Variants in PCLO observed in about 807,000 individuals in gnomAD.
The protein encoded by PCLO is piccolo presynaptic cytomatrix protein.
A neutral mutation model predicts 427.5 loss-of-function variants in PCLO; 82 were observed. The observed-to-expected ratio is 0.19, with a 90% CI of 0.16 to 0.23. PCLO has a LOEUF of 0.23. PCLO is among the 10% of genes least tolerant of loss of function. The pLI, the probability that PCLO is intolerant of heterozygous loss-of-function variation, is 1.00. For missense variants in PCLO, 6,239 were observed against 6,115.9 expected (o/e 1.02, Z -0.67); for synonymous variants, 2,357 against 2,155.4 (o/e 1.09, Z -2.59).
chr7:82,904,409 A>T (rs1222391015), intron 8 of PCLO, among the ~76,000 whole-genome samples: 4 of 151,810 alleles, frequency 2.6e-5, no homozygotes, highest in Non-Finnish European at 5.9e-5. Context: ...ATATGCATTT[A>T]AAAATCTTTA....
chr7:82,883,167 C>T (rs956823356), intron 9 of PCLO, among the ~76,000 whole-genome samples: 15 of 151,700 alleles, frequency 9.9e-5, no homozygotes, highest in African/African-American at 2.2e-4. Flanking sequence ...AAATATATTG[C>T]GTAGTTCAGT....
Position 82,816,127 on chromosome 7 carries a change from C to T in PCLO, c.14791+6368G>A, listed in dbSNP as rs1383605866. On this transcript the variant is annotated intron_variant, in intron 20 of 24. Transcript: ENST00000333891. ...CATGAAAATTCCCTTCATCTTACCC[C>T]ATACCCACGTTTCTTCCCCCAGATC... Among the ~76,000 whole-genome samples the T allele has an allele frequency of 2.0e-5, 3 of 152,044 alleles. No homozygotes were observed. The South Asian group carries it at 6.2e-4, about 32-fold the overall frequency.
chr7:83,016,396 A>AGC (rs1458986347), intron 3 of PCLO, among the ~76,000 whole-genome samples: 1 of 152,138 alleles, frequency 6.6e-6, no homozygotes, highest in Non-Finnish European at 1.5e-5. Context: ...AAGAATAAAG[A>AGC]GGGTCGCTTA....
chr7:83,158,544 A>T (rs1401999945), intron 1 of PCLO, among the ~76,000 whole-genome samples: 4 of 151,876 alleles, frequency 2.6e-5, no homozygotes, highest in Non-Finnish European at 5.9e-5. Context: ...TACCTTAATT[A>T]TACTAAATTC....
rs998502462 is a variant in PCLO at position 83,155,354 on chromosome 7, A to G, written c.1287T>C (p.Ser429=). 6.2e-7 allele frequency: 1 copy of G among 1,613,524 alleles called. No homozygotes were observed. Among genetic ancestry groups the G allele is most frequent in the Admixed American group, 1.7e-5 (1 of 59,992 alleles). ...TTGTAGGCCCAGGTGCCTTAGCTGG[A>G]GACTGTAGCCCAGGTTGTTGAGCTA... ...KPLAQQPGLQ[S]PAKAPGPTKT... is the part of the protein sequence containing the mutation. The change falls in exon 2 of 25, where the codon TCT becomes TCC. Residue 429 remains serine (S), a synonymous_variant. Transcript: ENST00000333891.
In PCLO at chr7:83,162,218, C is replaced by A. The variant is rs1292939958; in HGVS notation, c.248+127G>T. The A allele has an allele frequency of 8.0e-6, 9 of 1,124,972 alleles. No homozygotes were observed. The Admixed American group carries it at 1.0e-4, about 13-fold the overall frequency. The allele number at this position is 1,124,972 out of a possible 1,614,324, so 69.7% of individuals were successfully genotyped here. On this transcript the variant is annotated intron_variant, in intron 1 of 24. Coordinates refer to ENST00000333891, the MANE Select transcript of PCLO (RefSeq NM_033026.6). ...GCTTAGGATCTCTCTATGGCCACCC[C>A]ACTGGGGAGAATAAAATGAACGGAG...
intron 20 of PCLO, chr7:82,821,232 C>T: frequency 3.0e-6 from 3 of 988,098 alleles, no homozygotes; most frequent in Non-Finnish European, 3.6e-6. Flanking sequence ...ATGGGGAGGA[C>T]TCCTGCTATG....
chr7:83,155,370 TGTTGAGCTAGGG>T lies in PCLO; in HGVS notation c.1259_1270del (p.Pro420_Gln423del), dbSNP rs1562995849. ...CTTAGCTGGAGACTGTAGCCCAGGT[TGTTGAGCTAGGG>T]GTTTTGGTGTCCCCACCTGCTGGGT... is the stretch of plus-strand genomic sequence containing the variant. On this transcript the variant is annotated inframe_deletion, in exon 2 of 25. Transcript: ENST00000333891. 1.9e-6 allele frequency: 3 copies of T among 1,613,552 alleles called. No homozygotes were observed. In the Admixed American group the frequency reaches 5.0e-5, roughly 27 times the overall value.
intron 7 of PCLO, 24 bp from the exon 8 acceptor site, chr7:82,909,037 T>G: frequency 1.9e-6 from 3 of 1,611,010 alleles, no homozygotes; most frequent in Non-Finnish European, 2.5e-6. Flanking sequence ...GGAAACATCA[T>G]ACATTGCAAC....
intron 3 of PCLO, among the ~76,000 whole-genome samples, chr7:83,073,353 C>T (rs1160204563): frequency 6.6e-6 from 1 of 151,898 alleles, no homozygotes; most frequent in African/African-American, 2.4e-5. Context: ...TCTCAGAAAA[C>T]CTTATTGAGT....
chr7:82,826,872 G>C (rs1791958885), intron 17 of PCLO, among the ~76,000 whole-genome samples: 1 of 151,838 alleles, frequency 6.6e-6, no homozygotes, highest in Admixed American at 6.6e-5. Context: ...TGATCATGGG[G>C]AACATTATTA....
intron 15 of PCLO, among the ~76,000 whole-genome samples, chr7:82,837,741 G>T (rs1584030798): frequency 6.6e-6 from 1 of 151,902 alleles, no homozygotes; most frequent in Non-Finnish European, 1.5e-5. Context: ...TCAGTGATTT[G>T]GAAATATGTG....
intron 3 of PCLO, among the ~76,000 whole-genome samples, chr7:83,000,303 G>A (rs962931029): frequency 1.7e-5 from 2 of 120,086 alleles, no homozygotes; most frequent in African/African-American, 3.3e-5. Flanking sequence ...GAGAGAGAGA[G>A]AGAAAATAAA....
rs186875406 is a variant in PCLO at position 83,130,366 on chromosome 7, A to G, written c.3300+3884T>C. Among the ~76,000 whole-genome samples the G allele has an allele frequency of 4.5e-3, 683 of 152,228 alleles. 5 individuals are homozygous for G. The highest frequency in any genetic ancestry group is 0.016 in the African/African-American group (655 of 41,548). On this transcript the variant is annotated intron_variant, in intron 3 of 24. Transcript: ENST00000333891. ...GCTTTCTCATATTTCTAGTAGAGAC[A>G]GGATTTTGCCGTGTTGGCCAGGCTG... is the stretch of plus-strand genomic sequence containing the variant.
In PCLO at chr7:82,960,939, A is replaced by G. The variant is rs182283731; in HGVS notation, c.4018-4004T>C. Reference sequence around the variant, plus strand: ...TGTCATAGGAAAAAACATCTTGTGCAGTGGGTGAGGGCACAGTCTTTGTAA... The same window carrying G: ...TGTCATAGGAAAAAACATCTTGTGCGGTGGGTGAGGGCACAGTCTTTGTAA... On this transcript the variant is annotated intron_variant, in intron 4 of 24. Coordinates refer to ENST00000333891, the MANE Select transcript of PCLO (RefSeq NM_033026.6). 1.0e-3 allele frequency among the ~76,000 whole-genome samples: 156 copies of G among 152,286 alleles called. 2 individuals carry two copies. The highest frequency in any genetic ancestry group is 1.4e-3 in the Non-Finnish European group (98 of 68,014).
intron 4 of PCLO, among the ~76,000 whole-genome samples, chr7:82,961,628 C>T (rs1438843400): frequency 6.6e-6 from 1 of 152,160 alleles, no homozygotes; most frequent in Non-Finnish European, 1.5e-5. Context: ...ATAAATTAAA[C>T]TGCACTAATA....
At chr7:82,999,026 T>G (rs941330535) in intron 3 of PCLO, among the ~76,000 whole-genome samples, 11 of 149,780 alleles carry the variant, frequency 7.3e-5, no homozygotes, top group African/African-American at 2.7e-4. Flanking sequence ...AAAAAAACAC[T>G]GTAACAGAAA....
chr7:83,095,098 T>A (rs1332535678), intron 3 of PCLO, among the ~76,000 whole-genome samples: 2 of 152,132 alleles, frequency 1.3e-5, no homozygotes, highest in African/African-American at 4.8e-5. Context: ...GACCTGGAAT[T>A]TTTTTGTGGG....
chr7:83,053,795 A>G (rs1363206785), intron 3 of PCLO, among the ~76,000 whole-genome samples: 1 of 151,928 alleles, frequency 6.6e-6, no homozygotes, highest in African/African-American at 2.4e-5. Flanking sequence ...ATTTTATGTA[A>G]CTGAAAATAG....
Sources: gnomAD v4.1 joint callset for allele counts (sites outside exome capture counted in the v4.1 genomes callset) on GRCh38, gnomAD v4.1.1 for gene constraint, MANE v1.5 for transcripts, NCBI Gene and HGNC (gene_info 2026-07-23, HGNC 2026-07-21) for gene names.